Variants in KCNH8 observed in about 807,000 individuals in gnomAD.
The protein encoded by KCNH8 is voltage-gated delayed rectifier potassium channel KCNH8.
A neutral mutation model predicts 103.6 loss-of-function variants in KCNH8; 70 were observed. The observed-to-expected ratio is 0.68, with a 90% CI of 0.56 to 0.82. KCNH8 has a LOEUF of 0.82. KCNH8 is among the 40% of genes least tolerant of loss of function. The pLI, the probability that KCNH8 is intolerant of heterozygous loss-of-function variation, is 0.00. For missense variants in KCNH8, 1,217 were observed against 1,329.9 expected, an observed-to-expected ratio of 0.92 and a Z score of 1.32; for synonymous variants, 498 against 489.4, an observed-to-expected ratio of 1.02 and a Z score of -0.23.
At chr3:19,492,317 TTCTA>T (rs962265413) in intron 11 of KCNH8, among the ~76,000 whole-genome samples, 2 of 152,244 alleles carry the variant, frequency 1.3e-5, no homozygotes, top group African/African-American at 2.4e-5. Context: ...GGTCTTATAC[TTCTA>T]TCTTTCATCC....
At chr3:19,421,777 T>C (rs2066954713) in intron 7 of KCNH8, among the ~76,000 whole-genome samples, 2 of 152,030 alleles carry the variant, frequency 1.3e-5, no homozygotes, top group East Asian at 3.9e-4. Flanking sequence ...TTTTTAGCCA[T>C]TGTTAATTTT....
intron 3 of KCNH8, among the ~76,000 whole-genome samples, chr3:19,309,222 G>C (rs1326842663): frequency 1.3e-5 from 2 of 151,888 alleles, no homozygotes; most frequent in African/African-American, 4.8e-5. Flanking sequence ...TGCTGCCATT[G>C]TCTAAGAGAG....
At chr3:19,486,715 C>T (rs1301069658) in intron 11 of KCNH8, among the ~76,000 whole-genome samples, 1 of 152,174 alleles carries the variant, frequency 6.6e-6, no homozygotes, top group Non-Finnish European at 1.5e-5. Context: ...TTAAAAGTTA[C>T]CGGTCGCCCC....
chr3:19,265,194 G>A (rs897901933), intron 2 of KCNH8, among the ~76,000 whole-genome samples: 3 of 152,058 alleles, frequency 2.0e-5, no homozygotes, highest in South Asian at 4.1e-4. Flanking sequence ...TTGAGCCCCA[G>A]CTTGATCTTT....
chr3:19,348,654 G>C (rs2125320670), intron 5 of KCNH8, among the ~76,000 whole-genome samples: 1 of 152,022 alleles, frequency 6.6e-6, no homozygotes, highest in East Asian at 2.0e-4. Context: ...ACAGATTCCG[G>C]GTCTGTAAGT....
intron 2 of KCNH8, among the ~76,000 whole-genome samples, chr3:19,280,497 A>C (rs2064741410): frequency 6.6e-6 from 1 of 152,064 alleles, no homozygotes; most frequent in Admixed American, 6.6e-5. Flanking sequence ...TTTTGTATTT[A>C]ATGTAAACAA....
At chr3:19,390,949 TC>T (rs2066428445) in intron 6 of KCNH8, among the ~76,000 whole-genome samples, 1 of 152,148 alleles carries the variant, frequency 6.6e-6, no homozygotes. Context: ...AATTTAAGCA[TC>T]ACTTTATATT....
chr3:19,353,588 T>G (rs1165552106), intron 5 of KCNH8, among the ~76,000 whole-genome samples: 1 of 152,132 alleles, frequency 6.6e-6, no homozygotes, highest in Non-Finnish European at 1.5e-5. Context: ...CATATGCAAA[T>G]CAAGAAACAT....
At chr3:19,327,149 C>A (rs1396603560) in intron 3 of KCNH8, among the ~76,000 whole-genome samples, 1 of 152,292 alleles carries the variant, frequency 6.6e-6, no homozygotes, top group Middle Eastern at 3.4e-3. Context: ...CACACACAGT[C>A]TTTTCTGCCA....
intron 12 of KCNH8, among the ~76,000 whole-genome samples, chr3:19,511,897 G>C (rs895194883): frequency 3.3e-5 from 5 of 151,934 alleles, no homozygotes; most frequent in Non-Finnish European, 7.4e-5. Flanking sequence ...TATTATACCT[G>C]TAATATATAC....
chr3:19,374,766 T>C (rs1173466599), intron 5 of KCNH8, among the ~76,000 whole-genome samples: 1 of 152,200 alleles, frequency 6.6e-6, no homozygotes, highest in African/African-American at 2.4e-5. Flanking sequence ...CCATGTTTAG[T>C]GCTTCCTTCA....
chr3:19,381,689 T>C (rs1559300080), intron 5 of KCNH8, among the ~76,000 whole-genome samples: 2 of 151,398 alleles, frequency 1.3e-5, no homozygotes, highest in African/African-American at 4.9e-5. Flanking sequence ...CGAGAATTGC[T>C]AAAAGGGAAA....
At chr3:19,425,595 A>G (rs1397116385) in intron 7 of KCNH8, among the ~76,000 whole-genome samples, 1 of 152,196 alleles carries the variant, frequency 6.6e-6, no homozygotes, top group African/African-American at 2.4e-5. Flanking sequence ...TCTCCCCTTC[A>G]GTAGTAGTGG....
intron 11 of KCNH8, among the ~76,000 whole-genome samples, chr3:19,505,377 A>G (rs565071859): frequency 2.0e-5 from 3 of 152,230 alleles, no homozygotes; most frequent in African/African-American, 7.2e-5. Flanking sequence ...GGGGAATGAA[A>G]TAATCTGTAC....
chr3:19,376,071 C>G (rs969711772), intron 5 of KCNH8, among the ~76,000 whole-genome samples: 2 of 152,148 alleles, frequency 1.3e-5, no homozygotes, highest in African/African-American at 4.8e-5. Flanking sequence ...TGCCCTGCCC[C>G]CAGAGGTGGA....
chr3:19,226,720 C>T (rs1394008327), intron 1 of KCNH8, among the ~76,000 whole-genome samples: 1 of 152,052 alleles, frequency 6.6e-6, no homozygotes, highest in African/African-American at 2.4e-5. Flanking sequence ...CTCTGCTAAG[C>T]TCAGTTGGGT....
intron 11 of KCNH8, among the ~76,000 whole-genome samples, chr3:19,458,241 A>G (rs776672280): frequency 3.9e-5 from 6 of 151,924 alleles, no homozygotes; most frequent in African/African-American, 7.2e-5. Context: ...AATCCTTTTC[A>G]TGTCTTTTAA....
rs113694067 is a variant in KCNH8 at position 19,525,882 on chromosome 3, A to G, written c.2620-7513A>G. On this transcript the variant is annotated intron_variant, in intron 15 of 15. Coordinates refer to ENST00000328405, the MANE Select transcript of KCNH8 (RefSeq NM_144633.3). ...TGAGGTCCTCATATGGATGAAATGT[A>G]TGCAAGTGCTGAGTATGATTATTAT... 5.4e-3 allele frequency among the ~76,000 whole-genome samples: 824 copies of G among 152,040 alleles called. 10 individuals carry two copies. Among genetic ancestry groups the G allele is most frequent in the African/African-American group, 0.019 (780 of 41,536 alleles).
chr3:19,209,347 A>C (rs1230159123), intron 1 of KCNH8, among the ~76,000 whole-genome samples: 2 of 152,106 alleles, frequency 1.3e-5, no homozygotes, highest in African/African-American at 4.8e-5. Context: ...CTCATGTAGG[A>C]AAATGATTTC....
Sources: allele counts gnomAD v4.1 joint callset (sites outside exome capture counted in the v4.1 genomes callset), GRCh38; gene constraint gnomAD v4.1.1; transcripts MANE v1.5; gene names NCBI Gene and HGNC (gene_info 2026-07-23, HGNC 2026-07-21).